Variants in FHIT observed in about 807,000 individuals in gnomAD.
FHIT encodes the protein fragile histidine triad diadenosine triphosphatase, also known as bis(5'-adenosyl)-triphosphatase.
Under a neutral mutation model 17.9 loss-of-function variants are expected in FHIT, and 19 were observed. The observed-to-expected ratio is 1.06, with a 90% CI of 0.74 to 1.56. The LOEUF (loss-of-function observed/expected upper bound fraction) is 1.56. Among genes scored for constraint, FHIT ranks in the 40% most tolerant of loss-of-function variants. FHIT has a pLI of 0.00. For synonymous variants in FHIT, 81 were observed against 69.7 expected, an observed-to-expected ratio of 1.16 and a Z score of -0.81; for missense variants, 248 against 189.2, an observed-to-expected ratio of 1.31 and a Z score of -1.82.
intron 4 of FHIT, among the ~76,000 whole-genome samples, chr3:60,613,295 G>A (rs2038842681): frequency 6.6e-6 from 1 of 152,186 alleles, no homozygotes; most frequent in East Asian, 1.9e-4. Flanking sequence ...AACATGGAGT[G>A]AAACAGAAAC....
At chr3:60,147,824 C>T (rs756546691) in intron 5 of FHIT, among the ~76,000 whole-genome samples, 4 of 152,100 alleles carry the variant, frequency 2.6e-5, no homozygotes, top group Admixed American at 2.6e-4. Context: ...GTGCAGTTGT[C>T]GAACGACCTC....
chr3:60,858,496 T>A (rs532910337), intron 3 of FHIT, among the ~76,000 whole-genome samples: 2 of 152,264 alleles, frequency 1.3e-5, no homozygotes, highest in Admixed American at 1.3e-4. Context: ...AAAGGAAGAT[T>A]GTGAACTCTG....
chr3:59,761,800 G>A (rs1370264684), intron 8 of FHIT, among the ~76,000 whole-genome samples: 1 of 151,956 alleles, frequency 6.6e-6, no homozygotes, highest in African/African-American at 2.4e-5. Flanking sequence ...GTTTCACCAT[G>A]TTGGCCAGGC....
intron 8 of FHIT, among the ~76,000 whole-genome samples, chr3:59,846,912 C>T (rs558589038): frequency 7.9e-5 from 12 of 152,158 alleles, no homozygotes; most frequent in African/African-American, 2.4e-4. Context: ...AGCCTTCTGG[C>T]CTGTAAAGCT....
At chr3:60,319,299 C>G (rs777712712) in intron 5 of FHIT, among the ~76,000 whole-genome samples, 17 of 152,204 alleles carry the variant, frequency 1.1e-4, no homozygotes, top group Non-Finnish European at 1.5e-4. Flanking sequence ...CCTCACTCTA[C>G]AGGAGTTGGC....
In FHIT at chr3:60,582,571, G is replaced by T. The variant is rs914553430; in HGVS notation, c.-17-45592C>A. ...GTTTAAAATATTGACTAAGACTGTG[G>T]CATTCACATGGGTTTCATTTCAAGA... On this transcript the variant is annotated intron_variant, in intron 4 of 9. Coordinates refer to ENST00000492590, the MANE Select transcript of FHIT (RefSeq NM_002012.4). Among the ~76,000 whole-genome samples, 13 of 152,132 alleles carry T rather than the reference G, an allele frequency of 8.5e-5. No homozygotes were observed. In the South Asian group the frequency reaches 2.1e-3, roughly 24 times the overall value.
At chr3:60,292,941 C>T (rs551319395) in intron 5 of FHIT, among the ~76,000 whole-genome samples, 1 of 152,134 alleles carries the variant, frequency 6.6e-6, no homozygotes, top group African/African-American at 2.4e-5. Context: ...ATAAGCATGC[C>T]TAAATATATT....
At chr3:60,639,064 C>G (rs1283502616) in intron 4 of FHIT, among the ~76,000 whole-genome samples, 1 of 143,600 alleles carries the variant, frequency 7.0e-6, no homozygotes, top group Non-Finnish European at 1.5e-5. Context: ...ATGCAAGATT[C>G]AAGCATCCTA....
chr3:60,158,137 C>A (rs1449385830), intron 5 of FHIT, among the ~76,000 whole-genome samples: 1 of 152,132 alleles, frequency 6.6e-6, no homozygotes, highest in African/African-American at 2.4e-5. Context: ...AAACCCTTGA[C>A]ATCTGGAAAC....
intron 4 of FHIT, among the ~76,000 whole-genome samples, chr3:60,619,118 T>C (rs1553677221): frequency 6.6e-6 from 1 of 152,198 alleles, no homozygotes; most frequent in Non-Finnish European, 1.5e-5. Flanking sequence ...GTAGATGATT[T>C]GTTGCATTAT....
intron 5 of FHIT, among the ~76,000 whole-genome samples, chr3:60,035,240 G>A (rs1701166465): frequency 6.6e-6 from 1 of 152,138 alleles, no homozygotes; most frequent in African/African-American, 2.4e-5. Context: ...GGGTTTCACA[G>A]AATGGCCACC....
intron 5 of FHIT, among the ~76,000 whole-genome samples, chr3:60,271,503 A>G (rs1657526114): frequency 6.6e-6 from 1 of 152,198 alleles, no homozygotes; most frequent in Non-Finnish European, 1.5e-5. Context: ...AGCATCTCTG[A>G]TAATGGATTT....
chr3:61,191,646 G>A (rs1433065875), intron 2 of FHIT, among the ~76,000 whole-genome samples: 3 of 152,142 alleles, frequency 2.0e-5, no homozygotes, highest in African/African-American at 4.8e-5. Context: ...GATTATCCCA[G>A]AAAAGAGATA....
chr3:60,071,323 T>C (rs77499478), intron 5 of FHIT, among the ~76,000 whole-genome samples: 5,723 of 152,332 alleles, frequency 0.038, 140 homozygotes, highest in South Asian at 0.076. Flanking sequence ...TTTAGATATA[T>C]CGAGTTTTAA....
chr3:60,746,225 G>T (rs760888195), intron 4 of FHIT, among the ~76,000 whole-genome samples: 1 of 152,078 alleles, frequency 6.6e-6, no homozygotes, highest in Non-Finnish European at 1.5e-5. Context: ...AAAAGACAAA[G>T]GTTTCTCTTC....
At chr3:60,246,078 C>G (rs1705381992) in intron 5 of FHIT, among the ~76,000 whole-genome samples, 1 of 151,996 alleles carries the variant, frequency 6.6e-6, no homozygotes, top group African/African-American at 2.4e-5. Flanking sequence ...ATTGTTTACC[C>G]TGGCTGTGCT....
intron 5 of FHIT, among the ~76,000 whole-genome samples, chr3:60,119,468 AT>A (rs1346848808): frequency 6.6e-6 from 1 of 152,152 alleles, no homozygotes; most frequent in South Asian, 2.1e-4. Flanking sequence ...GGAAGCACTC[AT>A]TTTTTCCAAA....
chr3:59,994,289 T>C (rs1210728449), intron 7 of FHIT, among the ~76,000 whole-genome samples: 2 of 152,072 alleles, frequency 1.3e-5, no homozygotes, highest in African/African-American at 2.4e-5. Flanking sequence ...ATTACATTTA[T>C]TGTAAAAAGC....
intron 2 of FHIT, among the ~76,000 whole-genome samples, chr3:61,137,710 T>C (rs1439959252): frequency 6.6e-6 from 1 of 152,178 alleles, no homozygotes. Context: ...GGGAAATTTA[T>C]TTATAAGGAC....
Sources: allele counts gnomAD v4.1 joint callset (sites outside exome capture counted in the v4.1 genomes callset), GRCh38; gene constraint gnomAD v4.1.1; transcripts MANE v1.5; gene names NCBI Gene and HGNC (gene_info 2026-07-23, HGNC 2026-07-21).